The following VGLL2 variants were observed in gnomAD, a reference collection of about 807,000 sequenced individuals.
VGLL2 encodes the protein transcription cofactor vestigial-like protein 2.
A neutral mutation model predicts 27.0 loss-of-function variants in VGLL2; 18 were observed. The observed-to-expected ratio is 0.67, with a 90% CI of 0.46 to 0.99. VGLL2 has a LOEUF of 0.99. Ranked by LOEUF, VGLL2 falls within the 50% of genes least tolerant of loss-of-function variation. The probability of loss-of-function intolerance (pLI) is 0.00; values close to 1 mark genes in which losing one functional copy is unlikely to be tolerated. For synonymous variants in VGLL2, 220 were observed against 201.1 expected (o/e 1.09, Z -0.80); for missense variants, 491 against 452.3 (o/e 1.09, Z -0.78).
intron 1 of VGLL2, among the ~76,000 whole-genome samples, chr6:117,267,383 G>A (rs1773087943): frequency 1.3e-5 from 2 of 152,048 alleles, no homozygotes; most frequent in Non-Finnish European, 2.9e-5. Context: ...ACTTTCTTCT[G>A]TCTGCTCCTT....
intron 3 of VGLL2, among the ~76,000 whole-genome samples, chr6:117,271,902 G>A (rs147611400): frequency 6.3e-4 from 96 of 152,252 alleles, no homozygotes; most frequent in African/African-American, 2.1e-3. Flanking sequence ...ATAAGGGCTT[G>A]CTTTTTTGCC....
Position 117,270,929 on chromosome 6 carries a change from C to T in VGLL2, c.778C>T (p.Pro260Ser). 3 of 1,243,438 alleles carry T rather than the reference C, an allele frequency of 2.4e-6. No homozygotes were observed. Among genetic ancestry groups the T allele is most frequent in the South Asian group, 3.4e-5 (1 of 29,220 alleles). The allele number at this position is 1,243,438 out of a possible 1,614,324, so 77.0% of individuals were successfully genotyped here. ...RPARLATAPA[P>S]APGSPPCELS... is the part of the protein sequence containing the mutation. ...GGCCCGCCTCGCAACCGCCCCGGCG[C>T]CCGCGCCCGGCAGTCCTCCCTGCGA... The change falls in exon 3 of 4, where the codon CCC becomes TCC. Residue 260 changes from proline to serine, a missense_variant. Coordinates refer to ENST00000326274, the MANE Select transcript of VGLL2 (RefSeq NM_182645.3).
At chr6:117,270,474 C>T in intron 2 of VGLL2, 69 bp from the exon 3 acceptor site, 18 of 1,486,174 alleles carry the variant, frequency 1.2e-5, no homozygotes, top group Non-Finnish European at 1.5e-5. Context: ...CAGGTCGGCG[C>T]TGAGTCCAGC....
In VGLL2 at chr6:117,272,433, G is replaced by A. The variant is rs770796891; in HGVS notation, c.914-21G>A. 3.1e-6 allele frequency: 5 copies of A among 1,614,204 alleles called. No individual in the cohort carries two copies. The South Asian group carries it at 5.5e-5, about 18-fold the overall frequency. ...GCTGAAATGGAGTGGGTTTGTAACA[G>A]CTTCTGATCTTGGTTTGCAGCTCGT... On this transcript the variant is annotated intron_variant, in intron 3 of 3. Coordinates refer to ENST00000326274, the MANE Select transcript of VGLL2 (RefSeq NM_182645.3).
chr6:117,268,068 C>G, intron 1 of VGLL2, 114 bp from the exon 2 acceptor site: 1 of 1,113,442 alleles, frequency 9.0e-7, no homozygotes, highest in Non-Finnish European at 1.3e-6. Flanking sequence ...AGGCTTAAGC[C>G]CATATGCCAG....
intron 3 of VGLL2, among the ~76,000 whole-genome samples, chr6:117,271,324 GATAATAATAATA>G (rs3080434): frequency 1.4e-5 from 2 of 138,886 alleles, no homozygotes; most frequent in African/African-American, 5.4e-5. Flanking sequence ...TAATAATAAT[GATAATAATAATA>G]ATAATAATAA....
chr6:117,270,859 C>A lies in VGLL2; in HGVS notation c.708C>A (p.Asp236Glu). 7.1e-7 allele frequency: 1 copy of A among 1,409,236 alleles called. No homozygotes were observed. The highest frequency in any genetic ancestry group is 9.3e-7 in the Non-Finnish European group (1 of 1,080,908). The allele number at this position is 1,409,236 out of a possible 1,614,324, so 87.3% of individuals were successfully genotyped here. A position where few individuals can be genotyped will look rare whatever the true frequency, so the allele number is the denominator to read the frequency against. ...AVHEVYAPHF[D>E]PRYGPLLMPA... ...ACGAAGTCTACGCGCCGCACTTCGACCCGCGCTATGGGCCGCTGCTGATGC... is the reference window on the plus strand; with the variant it reads ...ACGAAGTCTACGCGCCGCACTTCGAACCGCGCTATGGGCCGCTGCTGATGC... Residue 236 changes from aspartate (D) to glutamate (E), a missense_variant, in exon 3 of 4, where the codon GAC becomes GAA. By Grantham distance (45) the Asp-to-Glu change is conservative. Coordinates refer to ENST00000326274, the MANE Select transcript of VGLL2 (RefSeq NM_182645.3).
rs1206415133 is a variant in VGLL2, at chr6:117,270,871, G to T, written c.720G>T (p.Gly240=). The T allele has an allele frequency of 5.8e-6, 8 of 1,371,070 alleles. No individual in the cohort carries two copies. The highest frequency in any genetic ancestry group is 7.5e-6 in the Non-Finnish European group (8 of 1,059,798). The allele number at this position is 1,371,070 out of a possible 1,614,324, so 84.9% of individuals were successfully genotyped here. The part of the protein sequence containing the change: ...VYAPHFDPRY[G]PLLMPAASGR... ...CGCCGCACTTCGACCCGCGCTATGG[G>T]CCGCTGCTGATGCCAGCCGCCTCGG... The change falls in exon 3 of 4, where the codon GGG becomes GGT. Residue 240 remains glycine (G), a synonymous_variant. Transcript: ENST00000326274.
intron 1 of VGLL2, among the ~76,000 whole-genome samples, chr6:117,267,465 T>G (rs1773091392): frequency 6.6e-6 from 1 of 151,948 alleles, no homozygotes; most frequent in Admixed American, 6.6e-5. Context: ...CTTTCGTTAT[T>G]AAAGAGAAGA....
In VGLL2 at chr6:117,272,515, C is replaced by T. The variant is rs937779864; in HGVS notation, c.*21C>T. 2 of 1,614,106 alleles carry T rather than the reference C, an allele frequency of 1.2e-6. No homozygotes were observed. Among genetic ancestry groups the T allele is most frequent in the Middle Eastern group, 1.7e-4 (1 of 6,036 alleles). ...GCTGATCTGCTGACCCAGGGTTTCC[C>T]CTTCCCCTTCCCTTCTGACCAGCCT... On this transcript the variant is annotated 3_prime_UTR_variant, in exon 4 of 4. Coordinates refer to ENST00000326274, the MANE Select transcript of VGLL2 (RefSeq NM_182645.3).
At position 117,272,579 on chromosome 6, in the gene VGLL2, G is replaced by A. The variant is rs1582501498; in HGVS notation, c.*85G>A. The A allele has an allele frequency of 6.3e-7, 1 of 1,592,970 alleles. No homozygotes were observed. The highest frequency in any genetic ancestry group is 8.6e-7 in the Non-Finnish European group (1 of 1,166,216). On this transcript the variant is annotated 3_prime_UTR_variant, in exon 4 of 4. Transcript: ENST00000326274. ...TCTGTGCCTCTCACTCCGTGGATGA[G>A]GACATGGGGGAAGGCAGAGACTTCA...
At position 117,268,192 on chromosome 6, in the gene VGLL2, A is replaced by G. The variant is rs1286652852; in HGVS notation, c.92A>G (p.Tyr31Cys). ...TCTCTCTCTGAACAGAAACTAGCCT[A>G]TTATTCCAAAATGCAGGAAGCGCAG... is the stretch of plus-strand genomic sequence containing the variant. Reference protein sequence around the residue: ...AYTPYHQKLAYYSKMQEAQEC... With the variant: ...AYTPYHQKLACYSKMQEAQEC... The change falls in exon 2 of 4, where the codon TAT becomes TGT. Residue 31 changes from tyrosine to cysteine, a missense_variant. Transcript: ENST00000326274. 6.2e-7 allele frequency: 1 copy of G among 1,613,728 alleles called. No homozygotes were observed. The highest frequency in any genetic ancestry group is 2.2e-5 in the East Asian group (1 of 44,892).
rs543722937 is a variant in VGLL2, at chr6:117,268,603, G to T, written c.391+112G>T. ...AAAAGAATATTAGGTGTCAGAGAAG[G>T]TGTGCAGAGGAGCATTTGGAAAGGG... On this transcript the variant is annotated intron_variant, in intron 2 of 3. Transcript: ENST00000326274. 4.2e-6 allele frequency: 5 copies of T among 1,198,808 alleles called. No individual in the cohort carries two copies. The South Asian group carries it at 4.9e-5, about 12-fold the overall frequency. The allele number at this position is 1,198,808 out of a possible 1,614,324, so 74.3% of individuals were successfully genotyped here.
downstream of VGLL2, chr6:117,273,596 AAAT>A (rs1773249020): frequency 6.6e-6 from 1 of 152,230 alleles, no homozygotes; most frequent in African/African-American, 2.4e-5. Flanking sequence ...AAAAGAAAAT[AAAT>A]AACTTAGTTT....
At position 117,268,317 on chromosome 6, in the gene VGLL2, G is replaced by A. The variant is rs1233619837; in HGVS notation, c.217G>A (p.Glu73Lys). ...IKEEEGSPEK[E>K]RPPEAEYINS... ...AGAGGAAGAAGGCAGCCCAGAGAAA[G>A]AGCGCCCACCAGAGGCAGAGTACAT... The change falls in exon 2 of 4, where the codon GAG (glutamate) becomes AAG (lysine). Residue 73 changes from glutamate to lysine, a missense_variant. By Grantham distance (56) the Glu-to-Lys change is moderately conservative. Coordinates refer to ENST00000326274, the MANE Select transcript of VGLL2 (RefSeq NM_182645.3). 5.0e-6 allele frequency: 8 copies of A among 1,614,174 alleles called. No homozygotes were observed. The highest frequency in any genetic ancestry group is 1.3e-5 in the African/African-American group (1 of 75,036).
At position 117,270,778 on chromosome 6, in the gene VGLL2, C is replaced by G. The variant is rs568524903; in HGVS notation, c.627C>G (p.Ala209=). The change falls in exon 3 of 4, where the codon GCC becomes GCG. Residue 209 remains alanine (A), a synonymous_variant. Transcript: ENST00000326274. ...ACGCGCACCCGCATCACCCCTACGCCCTGGGCGGCGCCCTCGGCGCCCAGG... is the reference window on the plus strand; with the variant it reads ...ACGCGCACCCGCATCACCCCTACGCGCTGGGCGGCGCCCTCGGCGCCCAGG... ...PHHAHPHHPY[A]LGGALGAQAA... is the part of the protein sequence containing the mutation. The G allele has an allele frequency of 6.2e-6, 9 of 1,459,056 alleles. No individual in the cohort carries two copies. The East Asian group carries it at 1.8e-4, about 30-fold the overall frequency. 90.4% of individuals were successfully genotyped at this position (1,459,056 alleles called of 1,614,324 possible).
chr6:117,269,488 A>C (rs1773137286), intron 2 of VGLL2, among the ~76,000 whole-genome samples: 1 of 152,220 alleles, frequency 6.6e-6, no homozygotes, highest in African/African-American at 2.4e-5. Context: ...GCCCTTAGAC[A>C]AGATCCAAAA....
In VGLL2 at chr6:117,270,707, C is replaced by A; in HGVS notation, c.556C>A (p.Leu186Met). ...CTCGCCCGCCGCGCTGCATGGCCAC[C>A]TGCACCAGGGCGCCACGGAGCCCTG... ...PYSPAALHGHLHQGATEPWHH... is the reference protein window; with the variant it reads ...PYSPAALHGHMHQGATEPWHH... Residue 186 changes from leucine to methionine, a missense_variant, in exon 3 of 4, where the codon CTG becomes ATG. Transcript: ENST00000326274. 1 of 1,534,304 alleles carries A rather than the reference C, an allele frequency of 6.5e-7. No individual in the cohort carries two copies. Among genetic ancestry groups the A allele is most frequent in the Non-Finnish European group, 8.7e-7 (1 of 1,149,638 alleles).
chr6:117,272,352 G>T (rs1773220884), intron 3 of VGLL2, 102 bp from the exon 4 acceptor site: 6 of 1,602,968 alleles, frequency 3.7e-6, no homozygotes, highest in Middle Eastern at 1.7e-4. Context: ...ACTGGTTTTA[G>T]ACCGCCCACC....
Sources: allele counts gnomAD v4.1 joint callset (sites outside exome capture counted in the v4.1 genomes callset), GRCh38; gene constraint gnomAD v4.1.1; transcripts MANE v1.5; gene names NCBI Gene and HGNC (gene_info 2026-07-23, HGNC 2026-07-21).